GAREM2: variants seen among roughly 807,000 people sequenced by gnomAD.
GAREM2 encodes the protein GRB2-associated and regulator of MAPK protein 2.
Under a neutral mutation model 55.6 loss-of-function variants are expected in GAREM2, and 30 were observed. The ratio of observed to expected loss-of-function variants is 0.54; its 90% CI spans 0.40 to 0.73. GAREM2 has a LOEUF of 0.73. Ranked by LOEUF, GAREM2 falls within the 30% of genes least tolerant of loss-of-function variation. The pLI is 0.00. For missense variants in GAREM2, 1,075 were observed against 1,257.7 expected (o/e 0.85, Z 2.20); for synonymous variants, 550 against 569.1 (o/e 0.97, Z 0.48).
the GAREM2 span, chr2:26,199,222 G>C: frequency 6.6e-6 from 1 of 152,212 alleles, no homozygotes; most frequent in African/African-American, 2.4e-5. Flanking sequence ...TAAAAAACTA[G>C]CCAGGCATGG....
the GAREM2 span, among the ~76,000 whole-genome samples, chr2:26,196,473 A>G: frequency 6.6e-6 from 1 of 152,210 alleles, no homozygotes; most frequent in Non-Finnish European, 1.5e-5. Flanking sequence ...CTGTATATAC[A>G]TCCATATAAT....
chr2:26,182,221 G>C, intron 2 of GAREM2: 1 of 1,385,694 alleles, frequency 7.2e-7, no homozygotes, highest in South Asian at 1.7e-5. Context: ...TAAAGTCTGT[G>C]TCTCCTAGGG....
At position 26,188,095 on chromosome 2, in the gene GAREM2, C is replaced by T. The variant is rs1358391071; in HGVS notation, c.2463C>T (p.Ile821=). ...AGGTCTCTCGCAGTCTGCGTTTCAT[C>T]GGGCTCTCAGAGGATGTGGTGAGCT... is the stretch of plus-strand genomic sequence containing the variant. ...LEEVSRSLRF[I]GLSEDVVSFF... is the part of the protein sequence containing the mutation. Residue 821 remains isoleucine, a synonymous_variant, in exon 6 of 6, where the codon ATC becomes ATT. Coordinates refer to ENST00000401533, the MANE Select transcript of GAREM2 (RefSeq NM_001168241.2). 1.3e-5 allele frequency: 20 copies of T among 1,550,308 alleles called. No individual in the cohort carries two copies. The highest frequency in any genetic ancestry group is 1.4e-5 in the Non-Finnish European group (16 of 1,146,248).
downstream of GAREM2, chr2:26,193,515 T>C: frequency 7.3e-7 from 1 of 1,364,760 alleles, no homozygotes; most frequent in Non-Finnish European, 1.0e-6. Context: ...CTCTTTGGTC[T>C]CAGGAACTGC....
intron 2 of GAREM2, chr2:26,182,276 T>G: frequency 2.8e-6 from 4 of 1,430,888 alleles, no homozygotes; most frequent in African/African-American, 1.4e-5. Flanking sequence ...GACTGCAGGT[T>G]GGGAAGGCCT....
chr2:26,203,115 A>G, the GAREM2 span, among the ~76,000 whole-genome samples: 2 of 152,162 alleles, frequency 1.3e-5, no homozygotes, highest in Admixed American at 1.3e-4. Flanking sequence ...AGCACACATC[A>G]TTTTTTTGGT....
At position 26,176,437 on chromosome 2, in the gene GAREM2, G is replaced by GC; in HGVS notation, c.208dup (p.His70ProfsTer46). The GC allele has an allele frequency of 6.4e-7, 1 of 1,550,392 alleles. No individual in the cohort carries two copies. Among genetic ancestry groups the GC allele is most frequent in the South Asian group, 1.2e-5 (1 of 83,728 alleles). ...GTGACAGCTCATACCCTGGAGGAGGGCCACTATGTCATCGGGCCCAAGATC... is the reference window on the plus strand; with the variant it reads ...GTGACAGCTCATACCCTGGAGGAGGGCCCACTATGTCATCGGGCCCAAGATC... On this transcript the variant is annotated frameshift_variant, in exon 2 of 6. Transcript: ENST00000401533. LOFTEE classifies it high-confidence loss of function.
Position 26,181,794 on chromosome 2 carries a change from A to T in GAREM2, c.254-1173A>T, listed in dbSNP as rs532582887. 5.1e-5 allele frequency: 8 copies of T among 156,364 alleles called. No homozygotes were observed. In the Admixed American group the frequency reaches 5.2e-4, roughly 10 times the overall value. 9.7% of individuals were successfully genotyped at this position (156,364 alleles called of 1,614,324 possible). On this transcript the variant is annotated intron_variant, in intron 2 of 5. Transcript: ENST00000401533. ...CAGGAGTTTGAGACCAGCCTGGGCAACATCATGAGACGTCATCTCTAATAA... is the reference window on the plus strand; with the variant it reads ...CAGGAGTTTGAGACCAGCCTGGGCATCATCATGAGACGTCATCTCTAATAA...
chr2:26,200,503 C>T, the GAREM2 span, among the ~76,000 whole-genome samples: 1 of 152,194 alleles, frequency 6.6e-6, no homozygotes, highest in Non-Finnish European at 1.5e-5. Context: ...TTCCCTATTT[C>T]CTTTGCAGCC....
At chr2:26,176,553 G>A (rs1668872435) in intron 2 of GAREM2, 69 bp downstream of exon 2, 1 of 1,349,048 alleles carries the variant, frequency 7.4e-7, no homozygotes, top group Non-Finnish European at 9.7e-7. Flanking sequence ...TGGGGCCAGG[G>A]GTAGGGGGAA....
downstream of GAREM2, chr2:26,192,359 C>A (rs769009132): frequency 1.2e-6 from 2 of 1,611,398 alleles, no homozygotes; most frequent in Admixed American, 3.3e-5. Flanking sequence ...CTATCCATGT[C>A]AGAATTCAAA....
intron 2 of GAREM2, among the ~76,000 whole-genome samples, chr2:26,180,443 C>G (rs1669012153): frequency 6.6e-6 from 1 of 152,218 alleles, no homozygotes; most frequent in Non-Finnish European, 1.5e-5. Context: ...AGGCTGCCAC[C>G]TGTGGGCTGG....
intron 1 of GAREM2, 27 bp downstream of exon 1, chr2:26,173,359 C>A: frequency 8.0e-7 from 1 of 1,248,390 alleles, no homozygotes; most frequent in Non-Finnish European, 1.0e-6. Flanking sequence ...AGATGGGGAC[C>A]GGGGTCCGCG....
chr2:26,192,475 T>G (rs748687007), downstream of GAREM2: 18 of 1,000,728 alleles, frequency 1.8e-5, no homozygotes, highest in African/African-American at 1.3e-4. Flanking sequence ...AGGGAGGGAG[T>G]GTTACTATTT....
Position 26,181,867 on chromosome 2 carries a change from T to C in GAREM2, c.254-1100T>C, listed in dbSNP as rs186041737. The C allele has an allele frequency of 1.6e-3, 418 of 255,116 alleles. 2 individuals carry two copies. Among genetic ancestry groups the C allele is most frequent in the Middle Eastern group, 0.012 (6 of 506 alleles). 15.8% of individuals were successfully genotyped at this position (255,116 alleles called of 1,614,324 possible). ...GGTGGCACATGCCTGTGGTCCCAGG[T>C]ACTTGAGAGGCTGAGGCAGGAGGAT... On this transcript the variant is annotated intron_variant, in intron 2 of 5. Coordinates refer to ENST00000401533, the MANE Select transcript of GAREM2 (RefSeq NM_001168241.2).
chr2:26,192,384 A>G (rs1239489257), downstream of GAREM2: 4 of 1,608,348 alleles, frequency 2.5e-6, no homozygotes, highest in Non-Finnish European at 3.4e-6. Flanking sequence ...TCCTCTTCAC[A>G]CCCTCCTGAT....
chr2:26,181,145 C>T lies in GAREM2; in HGVS notation c.254-1822C>T, dbSNP rs577530622. 1,324 of 984,954 alleles carry T rather than the reference C, an allele frequency of 1.3e-3. 1 individual carries two copies. Among genetic ancestry groups the T allele is most frequent in the Middle Eastern group, 3.7e-3 (7 of 1,914 alleles). The allele number at this position is 984,954 out of a possible 1,614,324, so 61.0% of individuals were successfully genotyped here. ...GAGCTGAACCTGGATCATGGTATTT[C>T]TTTGCTCGAAACACTCCAGTGGGTC... On this transcript the variant is annotated intron_variant, in intron 2 of 5. Transcript: ENST00000401533.
chr2:26,195,418 T>A, the GAREM2 span, among the ~76,000 whole-genome samples: 4 of 152,074 alleles, frequency 2.6e-5, no homozygotes, highest in Non-Finnish European at 2.9e-5. Context: ...GGAGAGCACA[T>A]TGGAATCCTC....
downstream of GAREM2, among the ~76,000 whole-genome samples, chr2:26,192,051 G>T (rs1669522313): frequency 6.6e-6 from 1 of 152,194 alleles, no homozygotes; most frequent in Non-Finnish European, 1.5e-5. Flanking sequence ...ATGCTGGGCA[G>T]AGACCAAGGA....
Sources: allele counts gnomAD v4.1 joint callset (sites outside exome capture counted in the v4.1 genomes callset), GRCh38; gene constraint gnomAD v4.1.1; transcripts MANE v1.5; gene names NCBI Gene and HGNC (gene_info 2026-07-23, HGNC 2026-07-21).